The following MSL2 variants were observed in gnomAD, a reference collection of about 807,000 sequenced individuals.
The protein encoded by MSL2 is MSL complex subunit 2, also known as E3 ubiquitin-protein ligase MSL2.
A neutral mutation model predicts 35.8 loss-of-function variants in MSL2; 2 were observed. The observed-to-expected ratio is 0.06, with a 90% CI of 0.02 to 0.18. The LOEUF is 0.18. Among genes scored for constraint, MSL2 ranks in the 10% least tolerant of loss-of-function variants. The probability of loss-of-function intolerance (pLI) is 1.00; values close to 1 mark genes in which losing one functional copy is unlikely to be tolerated. For missense variants in MSL2, 523 were observed against 706.7 expected (o/e 0.74, Z 2.95); for synonymous variants, 296 against 255.7 (o/e 1.16, Z -1.50).
At chr3:136,158,086 C>T (rs1014622500) in intron 1 of MSL2, among the ~76,000 whole-genome samples, 20 of 152,068 alleles carry the variant, frequency 1.3e-4, no homozygotes, top group African/African-American at 4.6e-4. Context: ...CCAAGGTGGG[C>T]GGATCACCTG....
intron 1 of MSL2, among the ~76,000 whole-genome samples, chr3:136,192,365 G>GA (rs2108099682): frequency 6.6e-6 from 1 of 152,158 alleles, no homozygotes; most frequent in South Asian, 2.1e-4. Flanking sequence ...TTTTAGTAGA[G>GA]ATGGGGTTTC....
chr3:136,172,693 G>C (rs1337692950), intron 1 of MSL2, among the ~76,000 whole-genome samples: 1 of 151,680 alleles, frequency 6.6e-6, no homozygotes, highest in East Asian at 1.9e-4. Context: ...CTCCCTTTCA[G>C]TAATCCTTAG....
At chr3:136,157,204 T>A (rs578098767) in intron 1 of MSL2, among the ~76,000 whole-genome samples, 20 of 151,866 alleles carry the variant, frequency 1.3e-4, no homozygotes, top group African/African-American at 4.8e-4. Flanking sequence ...GGTGGGCTGA[T>A]CACCTGAGGT....
intron 1 of MSL2, chr3:136,153,190 T>C (rs946641210): frequency 9.8e-6 from 4 of 406,296 alleles, no homozygotes; most frequent in African/African-American, 8.7e-5. Flanking sequence ...ACTATGATCT[T>C]GCCACTGCAC....
At position 136,149,173 on chromosome 3, in the gene MSL2, CTA is replaced by C. The variant is rs1336513394; in HGVS notation, c.*1972_*1973del. ...CAAACTTGGGAAGCAATAAAGTACT[CTA>C]TGAATTTTAAGATCATAATATTAGG... On this transcript the variant is annotated 3_prime_UTR_variant, in exon 2 of 2. Transcript: ENST00000309993. 2 of 150,896 alleles carry C rather than the reference CTA, an allele frequency of 1.3e-5. No homozygotes were observed. The highest frequency in any genetic ancestry group is 1.9e-4 in the East Asian group (1 of 5,132). The allele number at this position is 150,896 out of a possible 1,614,324, so 9.3% of individuals were successfully genotyped here. A position where few individuals can be genotyped will look rare whatever the true frequency, so the allele number is the denominator to read the frequency against.
intron 1 of MSL2, among the ~76,000 whole-genome samples, chr3:136,169,301 TG>T (rs559164135): frequency 7.2e-6 from 1 of 139,100 alleles, no homozygotes; most frequent in Non-Finnish European, 1.5e-5. Flanking sequence ...TGCATATGTA[TG>T]GGGGTACACG....
chr3:136,164,194 T>C (rs987653705), intron 1 of MSL2, among the ~76,000 whole-genome samples: 4 of 152,206 alleles, frequency 2.6e-5, no homozygotes, highest in African/African-American at 9.6e-5. Flanking sequence ...TTAGGAAATA[T>C]ACCACCAAAT....
At position 136,152,677 on chromosome 3, in the gene MSL2, T is replaced by C. The variant is rs1254788281; in HGVS notation, c.204A>G (p.Lys68=). ...TCATCATTTTCTTGCCTTTACAAGTTTTGCAGACATAATGTTGGCAGGTGG... is the reference window on the plus strand; with the variant it reads ...TCATCATTTTCTTGCCTTTACAAGTCTTGCAGACATAATGTTGGCAGGTGG... ...TNSTCQHYVC[K]TCKGKKMMMK... Residue 68 remains lysine, a synonymous_variant, in exon 2 of 2, where the codon AAA becomes AAG. Transcript: ENST00000309993. 4 of 1,614,036 alleles carry C rather than the reference T, an allele frequency of 2.5e-6. No homozygotes were observed. The highest frequency in any genetic ancestry group is 3.4e-6 in the Non-Finnish European group (4 of 1,180,040).
chr3:136,190,940 T>C (rs1402751666), intron 1 of MSL2, among the ~76,000 whole-genome samples: 1 of 152,174 alleles, frequency 6.6e-6, no homozygotes, highest in Non-Finnish European at 1.5e-5. Context: ...TCAGAAGGTT[T>C]AAATATACAA....
chr3:136,177,553 C>A (rs1384560316), intron 1 of MSL2, among the ~76,000 whole-genome samples: 1 of 151,944 alleles, frequency 6.6e-6, no homozygotes, highest in Non-Finnish European at 1.5e-5. Flanking sequence ...GTGGTGGGCA[C>A]CTGTAGTCCC....
intron 1 of MSL2, among the ~76,000 whole-genome samples, chr3:136,172,159 G>A (rs781446722): frequency 4.0e-5 from 6 of 151,658 alleles, no homozygotes; most frequent in Middle Eastern, 3.4e-3. Context: ...TCCAATGAAA[G>A]CTTGAATATT....
At chr3:136,194,000 C>T (rs575454633) in intron 1 of MSL2, among the ~76,000 whole-genome samples, 4 of 152,160 alleles carry the variant, frequency 2.6e-5, no homozygotes, top group African/African-American at 4.8e-5. Context: ...ACTCTTCTTC[C>T]TTTATCTACT....
intron 1 of MSL2, among the ~76,000 whole-genome samples, chr3:136,193,954 T>C (rs1335635124): frequency 5.3e-5 from 8 of 152,220 alleles, no homozygotes; most frequent in Admixed American, 5.2e-4. Flanking sequence ...CTCAAATGAA[T>C]ATTATTTCTC....
chr3:136,170,007 C>T (rs1415501094), intron 1 of MSL2, among the ~76,000 whole-genome samples: 2 of 150,570 alleles, frequency 1.3e-5, no homozygotes, highest in Non-Finnish European at 3.0e-5. Context: ...TCCAGGATCG[C>T]GCCACTGCAC....
intron 1 of MSL2, among the ~76,000 whole-genome samples, chr3:136,166,536 G>T (rs1023916462): frequency 6.6e-6 from 1 of 151,796 alleles, no homozygotes; most frequent in African/African-American, 2.4e-5. Context: ...ATTTAACATA[G>T]ATCATTCAAA....
chr3:136,172,357 C>T (rs964251940), intron 1 of MSL2, among the ~76,000 whole-genome samples: 4 of 152,044 alleles, frequency 2.6e-5, no homozygotes, highest in Non-Finnish European at 4.4e-5. Flanking sequence ...GGCTCACATA[C>T]CTCCCATACT....
intron 1 of MSL2, among the ~76,000 whole-genome samples, chr3:136,189,506 C>G (rs1940622655): frequency 6.7e-6 from 1 of 148,772 alleles, no homozygotes; most frequent in Admixed American, 6.8e-5. Flanking sequence ...GGGCGGATCA[C>G]GAGGTCAGGA....
At chr3:136,162,224 CA>C in intron 1 of MSL2, among the ~76,000 whole-genome samples, 1 of 150,056 alleles carries the variant, frequency 6.7e-6, no homozygotes, top group South Asian at 2.1e-4. Flanking sequence ...GCATGAGCCA[CA>C]ACACCTGGCC....
chr3:136,183,444 A>G (rs997029161), intron 1 of MSL2, among the ~76,000 whole-genome samples: 2 of 152,032 alleles, frequency 1.3e-5, no homozygotes, highest in South Asian at 4.2e-4. Context: ...TTTTTTTGAG[A>G]CAAGGTCTCA....
Sources: allele counts gnomAD v4.1 joint callset (sites outside exome capture counted in the v4.1 genomes callset), GRCh38; gene constraint gnomAD v4.1.1; transcripts MANE v1.5; gene names NCBI Gene and HGNC (gene_info 2026-07-23, HGNC 2026-07-21).